Variants in NSD1 observed in about 807,000 individuals in gnomAD.
The protein encoded by NSD1 is nuclear receptor binding SET domain protein 1.
Under a neutral mutation model 242.7 loss-of-function variants are expected in NSD1, and 26 were observed. The ratio of observed to expected loss-of-function variants is 0.11; its 90% CI spans 0.08 to 0.15. The LOEUF (loss-of-function observed/expected upper bound fraction) is 0.15. Ranked by LOEUF, NSD1 falls within the 10% of genes least tolerant of loss-of-function variation. NSD1 has a pLI of 1.00. For missense variants in NSD1, 2,495 were observed against 3,272.8 expected, an observed-to-expected ratio of 0.76 and a Z score of 5.80; for synonymous variants, 1,106 against 1,178.1, an observed-to-expected ratio of 0.94 and a Z score of 1.25.
chr5:177,135,496 T>C lies in NSD1; in HGVS notation c.393T>C (p.Ser131=). Residue 131 remains serine, a synonymous_variant, in exon 2 of 23, where the codon TCT becomes TCC. Coordinates refer to ENST00000439151, the MANE Select transcript of NSD1 (RefSeq NM_022455.5). ...CACTTGCTATGAAACAGGAACCCTC[T>C]TGTAATAACTCCCCTGAACTCCAGG... is the stretch of plus-strand genomic sequence containing the variant. ...PTALAMKQEP[S]CNNSPELQVK... is the part of the protein sequence containing the mutation. 6.2e-7 allele frequency: 1 copy of C among 1,614,216 alleles called. No homozygotes were observed. Among genetic ancestry groups the C allele is most frequent in the South Asian group, 1.1e-5 (1 of 91,088 alleles).
intron 2 of NSD1, among the ~76,000 whole-genome samples, chr5:177,180,240 A>G (rs560306552): frequency 9.9e-5 from 15 of 151,910 alleles, no homozygotes; most frequent in Non-Finnish European, 2.1e-4. Flanking sequence ...GATTACAGGC[A>G]CATGCCACCA....
At chr5:177,223,970 G>A (rs6874206) in intron 5 of NSD1, among the ~76,000 whole-genome samples, 1 of 152,036 alleles carries the variant, frequency 6.6e-6, no homozygotes, top group Non-Finnish European at 1.5e-5. Context: ...TGCCTGGGTG[G>A]CAGAGCAAGA....
At chr5:177,167,677 CTTATT>C (rs1344511595) in intron 2 of NSD1, among the ~76,000 whole-genome samples, 16 of 152,198 alleles carry the variant, frequency 1.1e-4, no homozygotes, top group African/African-American at 3.6e-4. Context: ...GTTCTTCAGT[CTTATT>C]TTATTTTCCA....
chr5:177,161,060 C>T (rs1758709240), intron 2 of NSD1, among the ~76,000 whole-genome samples: 1 of 152,058 alleles, frequency 6.6e-6, no homozygotes, highest in Non-Finnish European at 1.5e-5. Flanking sequence ...TAATTTTATT[C>T]TCCCAAAGCT....
intron 2 of NSD1, among the ~76,000 whole-genome samples, chr5:177,177,458 C>T (rs567328128): frequency 3.9e-5 from 6 of 152,046 alleles, no homozygotes; most frequent in African/African-American, 1.2e-4. Flanking sequence ...TGCAGTGAGC[C>T]GAGATTGTGC....
chr5:177,157,666 T>C (rs1025553233), intron 2 of NSD1, among the ~76,000 whole-genome samples: 1 of 152,166 alleles, frequency 6.6e-6, no homozygotes, highest in Non-Finnish European at 1.5e-5. Flanking sequence ...AAAATGCAGC[T>C]ACTTAAAGGG....
intron 5 of NSD1, among the ~76,000 whole-genome samples, chr5:177,217,604 CTT>C: frequency 6.8e-6 from 1 of 146,506 alleles, no homozygotes; most frequent in East Asian, 2.0e-4. Flanking sequence ...TATATATAGT[CTT>C]TATTATATTT....
chr5:177,274,508 C>T (rs1758196714), intron 17 of NSD1, among the ~76,000 whole-genome samples: 1 of 152,034 alleles, frequency 6.6e-6, no homozygotes, highest in African/African-American at 2.4e-5. Context: ...TTTTACAAAC[C>T]TCTTTTTATC....
chr5:177,183,785 TCTA>T (rs1341716632), intron 2 of NSD1, among the ~76,000 whole-genome samples: 1 of 152,160 alleles, frequency 6.6e-6, no homozygotes, highest in African/African-American at 2.4e-5. Flanking sequence ...CTTCCATCTT[TCTA>T]CTTCCCTTCC....
intron 3 of NSD1, among the ~76,000 whole-genome samples, chr5:177,192,351 C>T (rs562458044): frequency 1.3e-5 from 2 of 152,064 alleles, no homozygotes; most frequent in Admixed American, 6.6e-5. Context: ...GCTGGGATTA[C>T]AGGCATCCGC....
chr5:177,149,807 C>G (rs1257944269), intron 2 of NSD1, among the ~76,000 whole-genome samples: 1 of 152,202 alleles, frequency 6.6e-6, no homozygotes, highest in East Asian at 1.9e-4. Context: ...GTCTGCTGTT[C>G]ACCTCCTGCT....
rs779719523 is a variant in NSD1, at chr5:177,212,191, A to G, written c.3792A>G (p.Glu1264=). 5 of 1,613,598 alleles carry G rather than the reference A, an allele frequency of 3.1e-6. No individual in the cohort carries two copies. The highest frequency in any genetic ancestry group is 1.6e-4 in the Middle Eastern group (1 of 6,062). ...TGACACCACAGGCTGAGCTCCCTGA[A>G]CCAGGTAAGGACATCTAAATGTGAT... ...PSLTPQAELP[E]PAVRSEKKRL... Residue 1264 remains glutamate, a synonymous_variant, in exon 5 of 23, where the codon GAA becomes GAG. Transcript: ENST00000439151.
Position 177,186,063 on chromosome 5 carries a change from AAT to A in NSD1, c.928-5816_928-5815del, listed in dbSNP as rs1365648082. Among the ~76,000 whole-genome samples, 25 of 108,364 alleles carry A rather than the reference AAT, an allele frequency of 2.3e-4. No homozygotes were observed. In the Middle Eastern group the frequency reaches 0.011, roughly 49 times the overall value. The allele number at this position is 108,364 out of a possible 152,430, so 71.1% of individuals were successfully genotyped here. A position where few individuals can be genotyped will look rare whatever the true frequency, so the allele number is the denominator to read the frequency against. ...ATATATAATATATAATATAACATAT[AAT>A]ATATGTTATATATAATATATTATAT... On this transcript the variant is annotated intron_variant, in intron 2 of 22. Transcript: ENST00000439151.
In NSD1 at chr5:177,294,944, C is replaced by T. The variant is rs373932824; in HGVS notation, c.7576C>T (p.Pro2526Ser). ...SGKAAAPSED[P>S]WQAVKSLTQA... ...GAAAGCAGCAGCCCCTTCAGAGGAC[C>T]CCTGGCAAGCTGTTAAATCACTCAC... Residue 2526 changes from proline (P) to serine (S), a missense_variant, in exon 23 of 23, where the codon CCC becomes TCC. Physicochemically the swap from Pro to Ser is moderately conservative, Grantham distance 74. Around this residue, in one of 19 missense-constraint regions of NSD1, gnomAD observed 475 missense variants for 563.7 expected, o/e 0.84. Transcript: ENST00000439151. 743 of 1,614,198 alleles carry T rather than the reference C, an allele frequency of 4.6e-4. No individual in the cohort carries two copies. The highest frequency in any genetic ancestry group is 6.0e-4 in the Non-Finnish European group (710 of 1,180,028).
chr5:177,218,660 C>T (rs747226148), intron 5 of NSD1, among the ~76,000 whole-genome samples: 126 of 151,792 alleles, frequency 8.3e-4, no homozygotes, highest in Non-Finnish European at 5.9e-4. Context: ...CTCCACCTCC[C>T]GGATTGACGC....
In NSD1 at chr5:177,291,848, C is replaced by A. The variant is rs888506988; in HGVS notation, c.6259-106C>A. On this transcript the variant is annotated intron_variant, in intron 21 of 22. Coordinates refer to ENST00000439151, the MANE Select transcript of NSD1 (RefSeq NM_022455.5). The stretch of plus-strand genomic sequence containing the variant: ...TCCTGCATTTTATCTTCATGACAAT[C>A]TCTTTTCCCAGAGAAGAGAATGAGG... 7 of 1,068,966 alleles carry A rather than the reference C, an allele frequency of 6.5e-6. No homozygotes were observed. In the African/African-American group the frequency reaches 7.8e-5, roughly 12 times the overall value. The allele number at this position is 1,068,966 out of a possible 1,614,324, so 66.2% of individuals were successfully genotyped here.
chr5:177,181,046 T>C (rs1259966146), intron 2 of NSD1, among the ~76,000 whole-genome samples: 3 of 151,446 alleles, frequency 2.0e-5, no homozygotes, highest in Admixed American at 6.6e-5. Flanking sequence ...TGGTTTCTTT[T>C]TTTTTTTTTT....
At chr5:177,280,863 T>G in intron 18 of NSD1, 29 bp downstream of exon 18, 4 of 1,612,060 alleles carry the variant, frequency 2.5e-6, no homozygotes, top group Non-Finnish European at 3.4e-6. Context: ...ACCATATACT[T>G]TCTCCTCTTT....
intron 2 of NSD1, among the ~76,000 whole-genome samples, chr5:177,146,543 CTTATTCAGATGTCCTTA>C (rs1581123025): frequency 1.3e-5 from 2 of 152,040 alleles, no homozygotes; most frequent in East Asian, 3.9e-4. Context: ...ATTTATCCAT[CTTATTCAGATGTCCTTA>C]AATTTTATCT....
Sources: gnomAD v4.1 joint callset for allele counts (sites outside exome capture counted in the v4.1 genomes callset) on GRCh38, gnomAD v4.1.1 for gene constraint, gnomAD v4.1.1 regional missense constraint, MANE v1.5 for transcripts, NCBI Gene and HGNC (gene_info 2026-07-23, HGNC 2026-07-21) for gene names.